The following NRG3 variants were observed in gnomAD, a reference collection of about 807,000 sequenced individuals.
NRG3 encodes the protein neuregulin 3.
NRG3 carries 31 observed loss-of-function variants against 66.9 expected under a neutral mutation model. The ratio of observed to expected loss-of-function variants is 0.46; its 90% confidence interval spans 0.35 to 0.63. The LOEUF (loss-of-function observed/expected upper bound fraction) is 0.63, where lower values mean the gene tolerates loss of function less well. Ranked by LOEUF, NRG3 falls within the 20% of genes least tolerant of loss-of-function variation. NRG3 has a pLI of 0.00. For missense variants in NRG3, 910 were observed against 878.9 expected, an observed-to-expected ratio of 1.04 and a Z score of -0.45; for synonymous variants, 393 against 359.4, an observed-to-expected ratio of 1.09 and a Z score of -1.06.
intron 1 of NRG3, among the ~76,000 whole-genome samples, chr10:82,289,143 C>T (rs1172386525): frequency 3.3e-5 from 5 of 152,166 alleles, no homozygotes; most frequent in Non-Finnish European, 7.3e-5. Context: ...AGGACATTGA[C>T]TTTTTCTCTA....
intron 2 of NRG3, among the ~76,000 whole-genome samples, chr10:82,371,658 GA>G (rs976885198): frequency 1.3e-4 from 20 of 151,844 alleles, no homozygotes; most frequent in African/African-American, 3.4e-4. Context: ...AATTTATAAA[GA>G]AAAAAAAGGT....
In NRG3 at chr10:82,869,285, T is replaced by C. The variant is rs986140456; in HGVS notation, c.1054+3848T>C. 2.6e-5 allele frequency among the ~76,000 whole-genome samples: 4 copies of C among 152,270 alleles called. No individual in the cohort carries two copies. In the East Asian group the frequency reaches 7.7e-4, roughly 29 times the overall value. Reference sequence around the variant, plus strand: ...ACAGAGATTTCTCACGTATCTTCTGTCTTCAAACATGCACAGCTACCTCCC... The same window carrying C: ...ACAGAGATTTCTCACGTATCTTCTGCCTTCAAACATGCACAGCTACCTCCC... On this transcript the variant is annotated intron_variant, in intron 4 of 8. Transcript: ENST00000372141.
At chr10:82,481,910 C>T (rs1842302375) in intron 2 of NRG3, among the ~76,000 whole-genome samples, 1 of 152,012 alleles carries the variant, frequency 6.6e-6, no homozygotes, top group Non-Finnish European at 1.5e-5. Context: ...CTGTTTGAAC[C>T]CGGGAGGCAG....
At chr10:82,047,765 G>A (rs2063378344) in intron 1 of NRG3, among the ~76,000 whole-genome samples, 1 of 151,730 alleles carries the variant, frequency 6.6e-6, no homozygotes, top group East Asian at 1.9e-4. Flanking sequence ...AACTTTAAAT[G>A]TAAATGGACT....
At chr10:82,963,667 G>A (rs577836373) in intron 6 of NRG3, among the ~76,000 whole-genome samples, 12 of 151,776 alleles carry the variant, frequency 7.9e-5, no homozygotes, top group African/African-American at 1.5e-4. Flanking sequence ...GTGACAGAGC[G>A]AGACAACGTC....
chr10:82,473,087 A>G (rs1200074741), intron 2 of NRG3, among the ~76,000 whole-genome samples: 1 of 152,186 alleles, frequency 6.6e-6, no homozygotes, highest in Non-Finnish European at 1.5e-5. Context: ...CTGTGAACAC[A>G]CCCAGTTGTT....
intron 1 of NRG3, among the ~76,000 whole-genome samples, chr10:82,013,655 C>A (rs905262932): frequency 6.6e-6 from 1 of 151,852 alleles, no homozygotes; most frequent in East Asian, 1.9e-4. Context: ...CTGTAGATTC[C>A]TTTAAAAAAG....
intron 1 of NRG3, among the ~76,000 whole-genome samples, chr10:82,137,513 G>C (rs988073868): frequency 6.6e-6 from 1 of 152,166 alleles, no homozygotes; most frequent in African/African-American, 2.4e-5. Context: ...AATTGGTAAA[G>C]TTCCACAGCT....
rs140063732 is a variant in NRG3 at position 82,530,162 on chromosome 10, A to G, written c.953+171294A>G. Reference sequence around the variant, plus strand: ...TCAAAATGAATATTAAAGAGAAACTACTTGTTTCTTTTTCACAGTTTAATA... The same window carrying G: ...TCAAAATGAATATTAAAGAGAAACTGCTTGTTTCTTTTTCACAGTTTAATA... On this transcript the variant is annotated intron_variant, in intron 2 of 8. Transcript: ENST00000372141. 3.9e-5 allele frequency among the ~76,000 whole-genome samples: 6 copies of G among 152,228 alleles called. No individual in the cohort carries two copies. In the East Asian group the frequency reaches 7.7e-4, roughly 20 times the overall value.
At chr10:82,486,702 A>G (rs1842706213) in intron 2 of NRG3, among the ~76,000 whole-genome samples, 1 of 152,140 alleles carries the variant, frequency 6.6e-6, no homozygotes, top group Admixed American at 6.5e-5. Flanking sequence ...GTGAGCCACC[A>G]CACCCGGCCA....
chr10:82,260,015 T>G (rs2077940755), intron 1 of NRG3, among the ~76,000 whole-genome samples: 2 of 152,150 alleles, frequency 1.3e-5, no homozygotes, highest in South Asian at 4.1e-4. Flanking sequence ...CAGCCAAGTA[T>G]TTCCTGTTGC....
intron 4 of NRG3, among the ~76,000 whole-genome samples, chr10:82,894,621 T>C (rs1490034543): frequency 6.6e-6 from 1 of 152,202 alleles, no homozygotes; most frequent in Non-Finnish European, 1.5e-5. Flanking sequence ...TATAAATTTG[T>C]ATTTTTCCTA....
chr10:82,919,651 C>G (rs1846229774), intron 4 of NRG3, among the ~76,000 whole-genome samples: 1 of 152,112 alleles, frequency 6.6e-6, no homozygotes, highest in South Asian at 2.1e-4. Flanking sequence ...ATTAAGTACA[C>G]ATGTAGGAAA....
chr10:82,337,277 A>G (rs1172014451), intron 1 of NRG3, among the ~76,000 whole-genome samples: 1 of 152,192 alleles, frequency 6.6e-6, no homozygotes, highest in Non-Finnish European at 1.5e-5. Context: ...ACTTATGCCT[A>G]CTGTCTTTCA....
intron 1 of NRG3, among the ~76,000 whole-genome samples, chr10:82,343,109 C>T (rs2082770179): frequency 1.3e-5 from 2 of 151,876 alleles, no homozygotes; most frequent in East Asian, 3.9e-4. Context: ...CTAGGGCTCT[C>T]AATGCTGTAG....
chr10:82,865,060 TATG>T (rs769573912), intron 3 of NRG3, among the ~76,000 whole-genome samples: 6 of 152,194 alleles, frequency 3.9e-5, no homozygotes, highest in African/African-American at 1.4e-4. Context: ...CATAAAATAT[TATG>T]CATTCTGAAA....
chr10:82,385,181 TGTTAA>T (rs1334730179), intron 2 of NRG3, among the ~76,000 whole-genome samples: 3 of 152,302 alleles, frequency 2.0e-5, no homozygotes, highest in Admixed American at 6.5e-5. Flanking sequence ...CTTGCTAATT[TGTTAA>T]GTTTTTTATA....
At position 82,762,145 on chromosome 10, in the gene NRG3, G is replaced by A. The variant is rs539336133; in HGVS notation, c.1027+23495G>A. On this transcript the variant is annotated intron_variant, in intron 3 of 8. Coordinates refer to ENST00000372141, the MANE Select transcript of NRG3 (RefSeq NM_001010848.4). ...CACAGCTCACTGCAGCCTCCGCCTC[G>A]CCAGCTAGGTTTTTGGATTGTTTGC... 1.9e-4 allele frequency among the ~76,000 whole-genome samples: 29 copies of A among 150,404 alleles called. 1 individual carries two copies. The highest frequency in any genetic ancestry group is 6.8e-4 in the African/African-American group (28 of 40,964).
intron 2 of NRG3, among the ~76,000 whole-genome samples, chr10:82,435,566 T>C (rs148441551): frequency 2.5e-3 from 383 of 152,230 alleles, no homozygotes; most frequent in African/African-American, 8.8e-3. Flanking sequence ...TCTTCCTAGC[T>C]TTCTAATATG....
Sources: gnomAD v4.1 joint callset for allele counts (sites outside exome capture counted in the v4.1 genomes callset) on GRCh38, gnomAD v4.1.1 for gene constraint, MANE v1.5 for transcripts, NCBI Gene and HGNC (gene_info 2026-07-23, HGNC 2026-07-21) for gene names.